Variants in TEX11 observed in about 807,000 individuals in gnomAD.
TEX11 encodes testis expressed 11.
In TEX11, 7 loss-of-function variants were observed where a neutral mutation model predicts 84.4. The observed-to-expected ratio is 0.08, with a 90% CI of 0.05 to 0.16. TEX11 has a LOEUF of 0.16. Among genes scored for constraint, TEX11 ranks in the 10% least tolerant of loss-of-function variants. The probability of loss-of-function intolerance (pLI) is 1.00; values close to 1 mark genes in which losing one functional copy is unlikely to be tolerated. For synonymous variants in TEX11, 264 were observed against 222.8 expected, an observed-to-expected ratio of 1.18 and a Z score of -1.64; for missense variants, 551 against 660.5, an observed-to-expected ratio of 0.83 and a Z score of 1.82.
At chrX:70,896,095 T>C (rs184692338) in intron 2 of TEX11, among the ~76,000 whole-genome samples, 4,524 of 111,302 alleles carry the variant, frequency 0.041, 122 homozygotes, top group South Asian at 0.15. Context: ...ACCTACAGAA[T>C]TGGGAGAAAA....
chrX:70,798,368 G>T (rs2091168375), intron 9 of TEX11, among the ~76,000 whole-genome samples: 1 of 111,365 alleles, frequency 9.0e-6, no homozygotes, highest in Non-Finnish European at 1.9e-5. Context: ...CAGATATCCT[G>T]TGTTCATAGA....
intron 13 of TEX11, among the ~76,000 whole-genome samples, chrX:70,705,620 A>G (rs2090366358): frequency 8.9e-6 from 1 of 111,981 alleles, no homozygotes; most frequent in South Asian, 3.7e-4. Flanking sequence ...CAAGAAAAAA[A>G]CAAACAACCC....
At chrX:70,570,499 C>T (rs748779924) in intron 25 of TEX11, among the ~76,000 whole-genome samples, 40 of 111,431 alleles carry the variant, frequency 3.6e-4, no homozygotes, top group African/African-American at 1.1e-3. Flanking sequence ...TCTTCTGCGT[C>T]GCTCACGCTG....
chrX:70,759,602 T>A (rs1159496776), intron 9 of TEX11, among the ~76,000 whole-genome samples: 2 of 111,755 alleles, frequency 1.8e-5, no homozygotes, highest in Non-Finnish European at 3.8e-5. Flanking sequence ...TAGGTATTGA[T>A]GGAACATATC....
chrX:70,644,466 T>C (rs1477489830), intron 17 of TEX11, among the ~76,000 whole-genome samples: 1 of 107,234 alleles, frequency 9.3e-6, no homozygotes, highest in African/African-American at 3.4e-5. Context: ...TAAAGACACA[T>C]GCACACGTAC....
At chrX:70,584,115 T>C (rs1239623019) in intron 25 of TEX11, among the ~76,000 whole-genome samples, 1 of 106,204 alleles carries the variant, frequency 9.4e-6, no homozygotes, top group African/African-American at 3.4e-5. Flanking sequence ...CCGTCTCTAC[T>C]AAAAATACAA....
intron 9 of TEX11, among the ~76,000 whole-genome samples, chrX:70,745,276 C>A (rs979622013): frequency 9.1e-6 from 1 of 110,204 alleles, no homozygotes; most frequent in Non-Finnish European, 1.9e-5. Context: ...TTCCAGTAAC[C>A]ACAAATAATA....
At position 70,848,423 on chromosome X, in the gene TEX11, G is replaced by A. The variant is rs950136697; in HGVS notation, c.525+4611C>T. Among the ~76,000 whole-genome samples, 109 of 111,477 alleles carry A rather than the reference G, an allele frequency of 9.8e-4. 4 individuals carry two copies. Among genetic ancestry groups the A allele is most frequent in the Non-Finnish European group, 2.4e-4 (13 of 53,137 alleles). On this transcript the variant is annotated intron_variant, in intron 7 of 29. Coordinates refer to ENST00000374333, the MANE Select transcript of TEX11 (RefSeq NM_031276.3). ...TCCTAAGTCTGTTTCTTCCTTCAAA[G>A]TTCAAATCATGCTCTAAATCCTGTG...
chrX:70,899,468 A>G (rs2091790456), intron 2 of TEX11, among the ~76,000 whole-genome samples: 1 of 111,014 alleles, frequency 9.0e-6, no homozygotes, highest in South Asian at 3.8e-4. Flanking sequence ...TTACTAGAAA[A>G]TTTTAAGTTA....
At chrX:70,587,445 G>T (rs2088868354) in intron 25 of TEX11, among the ~76,000 whole-genome samples, 1 of 112,657 alleles carries the variant, frequency 8.9e-6, no homozygotes. Flanking sequence ...CCAACATACA[G>T]CTCAGGCCAT....
chrX:70,761,770 T>C (rs1211995033), intron 9 of TEX11, among the ~76,000 whole-genome samples: 1 of 111,309 alleles, frequency 9.0e-6, no homozygotes, highest in East Asian at 2.8e-4. Context: ...ATAGAGAACT[T>C]CCCAAACCTA....
At chrX:70,823,526 C>G (rs2091329511) in intron 8 of TEX11, among the ~76,000 whole-genome samples, 1 of 110,977 alleles carries the variant, frequency 9.0e-6, no homozygotes, top group Non-Finnish European at 1.9e-5. Context: ...ACCTTAAATA[C>G]ATAATAATTT....
intron 7 of TEX11, among the ~76,000 whole-genome samples, chrX:70,849,897 T>G (rs2091498581): frequency 8.9e-6 from 1 of 112,084 alleles, no homozygotes; most frequent in African/African-American, 3.2e-5. Context: ...AATCATAGGA[T>G]CTTGGTGTTA....
At chrX:70,783,807 C>T (rs187184543) in intron 9 of TEX11, among the ~76,000 whole-genome samples, 1 of 111,549 alleles carries the variant, frequency 9.0e-6, no homozygotes, top group Admixed American at 9.5e-5. Context: ...AGGTGAATAA[C>T]AGGTTCTGAA....
chrX:70,586,281 T>C (rs747701196), intron 25 of TEX11, among the ~76,000 whole-genome samples: 2 of 112,331 alleles, frequency 1.8e-5, no homozygotes, highest in South Asian at 7.3e-4. Flanking sequence ...TTCTTTGACA[T>C]GACACTGAAA....
downstream of TEX11, among the ~76,000 whole-genome samples, chrX:70,526,923 G>A (rs918542019): frequency 1.3e-4 from 15 of 111,868 alleles, no homozygotes; most frequent in African/African-American, 4.5e-4. Flanking sequence ...TCAAATGGGG[G>A]TAGGACCCAG....
intron 28 of TEX11, among the ~76,000 whole-genome samples, chrX:70,550,700 T>C (rs1320261472): frequency 8.9e-6 from 1 of 111,802 alleles, no homozygotes; most frequent in African/African-American, 3.3e-5. Flanking sequence ...CAGTGAGATA[T>C]CATCTCACCC....
intron 9 of TEX11, among the ~76,000 whole-genome samples, chrX:70,797,341 G>C (rs1351726845): frequency 3.6e-5 from 4 of 111,501 alleles, no homozygotes; most frequent in Non-Finnish European, 5.7e-5. Context: ...GAGGCCTTAA[G>C]TTAACAAACA....
At chrX:70,749,767 G>A (rs1183412997) in intron 9 of TEX11, among the ~76,000 whole-genome samples, 1 of 107,037 alleles carries the variant, frequency 9.3e-6, no homozygotes, top group African/African-American at 3.4e-5. Context: ...TCCCAGGGAT[G>A]AAGCCCACTT....
Sources: allele counts gnomAD v4.1 joint callset (sites outside exome capture counted in the v4.1 genomes callset), GRCh38; gene constraint gnomAD v4.1.1; transcripts MANE v1.5; gene names NCBI Gene and HGNC (gene_info 2026-07-23, HGNC 2026-07-21).